The following NR6A1 variants were observed in gnomAD, a reference collection of about 807,000 sequenced individuals.
The protein encoded by NR6A1 is retinoic acid receptor-related testis-associated receptor.
A neutral mutation model predicts 59.1 loss-of-function variants in NR6A1; 7 were observed. The ratio of observed to expected loss-of-function variants is 0.12; its 90% CI spans 0.07 to 0.22. The LOEUF is 0.22. Ranked by LOEUF, NR6A1 falls within the 10% of genes least tolerant of loss-of-function variation. The pLI, the probability that NR6A1 is intolerant of heterozygous loss-of-function variation, is 1.00. For synonymous variants in NR6A1, 243 were observed against 236.1 expected (o/e 1.03, Z -0.27); for missense variants, 468 against 611.6 (o/e 0.77, Z 2.48).
intron 2 of NR6A1, among the ~76,000 whole-genome samples, chr9:124,591,516 T>C (rs1835125483): frequency 6.6e-6 from 1 of 152,290 alleles, no homozygotes; most frequent in East Asian, 1.9e-4. Flanking sequence ...GACCAAGGGA[T>C]CCATCCAGAG....
intron 3 of NR6A1, among the ~76,000 whole-genome samples, chr9:124,546,178 A>T (rs942779585): frequency 8.5e-5 from 13 of 152,206 alleles, no homozygotes; most frequent in African/African-American, 2.4e-4. Flanking sequence ...TATGATAGAA[A>T]TCTACTATGT....
rs780925768 is a variant in NR6A1 at position 124,553,549 on chromosome 9, C to CTTTTTTTTTTTTTTT, written c.385+764_385+778dup. On this transcript the variant is annotated intron_variant, in intron 3 of 9. Transcript: ENST00000487099. ...GAAATCACCCTGCTTTTTAGCTTGA[C>CTTTTTTTTTTTTTTT]TTTTTTTTTTTTTTTTTTTTTTTTT... Among the ~76,000 whole-genome samples the CTTTTTTTTTTTTTTT allele has an allele frequency of 1.5e-3, 72 of 47,316 alleles. 5 individuals carry two copies. The highest frequency in any genetic ancestry group is 2.3e-3 in the African/African-American group (30 of 12,854). 31.0% of individuals were successfully genotyped at this position (47,316 alleles called of 152,430 possible).
chr9:124,695,547 A>G (rs1176147293), intron 2 of NR6A1, among the ~76,000 whole-genome samples: 1 of 152,026 alleles, frequency 6.6e-6, no homozygotes, highest in Non-Finnish European at 1.5e-5. Context: ...TGTTTTTAGA[A>G]GAAATGTGTT....
intron 1 of NR6A1, among the ~76,000 whole-genome samples, chr9:124,770,465 G>A (rs890195872): frequency 6.6e-6 from 1 of 151,658 alleles, no homozygotes. Context: ...AAAGCTGAGC[G>A]GTACAAGGGT....
chr9:124,524,261 A>G (rs559913459), intron 9 of NR6A1, among the ~76,000 whole-genome samples: 10 of 152,260 alleles, frequency 6.6e-5, no homozygotes, highest in Admixed American at 5.2e-4. Flanking sequence ...CCAGCTAAAG[A>G]TATCACTTTA....
chr9:124,696,251 G>T (rs1393993937), intron 2 of NR6A1, among the ~76,000 whole-genome samples: 1 of 152,146 alleles, frequency 6.6e-6, no homozygotes, highest in African/African-American at 2.4e-5. Context: ...TCACTAAGCA[G>T]ATGAAGTGAG....
chr9:124,549,295 TG>T (rs1302956001), intron 3 of NR6A1, among the ~76,000 whole-genome samples: 1 of 152,190 alleles, frequency 6.6e-6, no homozygotes, highest in Non-Finnish European at 1.5e-5. Flanking sequence ...GAAACATCAC[TG>T]GGTTTTTGAA....
chr9:124,548,451 G>A (rs371206495), intron 3 of NR6A1, among the ~76,000 whole-genome samples: 69 of 152,122 alleles, frequency 4.5e-4, no homozygotes, highest in African/African-American at 1.6e-3. Context: ...GAGCTGCCTG[G>A]GCAACATGCT....
intron 1 of NR6A1, among the ~76,000 whole-genome samples, chr9:124,746,751 T>A (rs1348622329): frequency 6.6e-6 from 1 of 152,224 alleles, no homozygotes; most frequent in African/African-American, 2.4e-5. Context: ...AACTCCTTTT[T>A]TTTAGATGCT....
chr9:124,589,362 C>T (rs1008560880), intron 2 of NR6A1, among the ~76,000 whole-genome samples: 19 of 152,182 alleles, frequency 1.2e-4, no homozygotes, highest in African/African-American at 4.6e-4. Context: ...AGGAGAGTGG[C>T]GTGAACCAAG....
intron 2 of NR6A1, among the ~76,000 whole-genome samples, chr9:124,623,238 A>G (rs1836130009): frequency 6.6e-6 from 1 of 152,256 alleles, no homozygotes; most frequent in East Asian, 1.9e-4. Flanking sequence ...GACAGTTCTG[A>G]GTTTTCAAAG....
Position 124,702,617 on chromosome 9 carries a change from A to G in NR6A1, c.142+30691T>C, listed in dbSNP as rs554786020. 2.4e-4 allele frequency among the ~76,000 whole-genome samples: 37 copies of G among 152,042 alleles called. No homozygotes were observed. In the South Asian group the frequency reaches 6.9e-3, roughly 28 times the overall value. On this transcript the variant is annotated intron_variant, in intron 2 of 9. Transcript: ENST00000487099. The stretch of plus-strand genomic sequence containing the variant: ...AATGGCCTGGTGCCCTCCCCTCAGT[A>G]ATGAGTTCTTGTTTTATTAGTTCAC...
At chr9:124,729,985 G>T (rs1439464874) in intron 2 of NR6A1, among the ~76,000 whole-genome samples, 1 of 151,702 alleles carries the variant, frequency 6.6e-6, no homozygotes. Context: ...AGCTAATTTT[G>T]TTTTTTTAGT....
intron 2 of NR6A1, among the ~76,000 whole-genome samples, chr9:124,732,372 C>A (rs1395195452): frequency 4.6e-5 from 7 of 152,136 alleles, no homozygotes; most frequent in Admixed American, 4.6e-4. Context: ...CTGGATACTC[C>A]CATGTCCTAT....
At chr9:124,669,661 G>A (rs769229994) in intron 2 of NR6A1, among the ~76,000 whole-genome samples, 25 of 152,226 alleles carry the variant, frequency 1.6e-4, no homozygotes, top group Admixed American at 1.0e-3. Context: ...GATTCCATTA[G>A]CATGGCCTCT....
chr9:124,758,276 C>T (rs1405312627), intron 1 of NR6A1, among the ~76,000 whole-genome samples: 1 of 152,204 alleles, frequency 6.6e-6, no homozygotes, highest in Non-Finnish European at 1.5e-5. Flanking sequence ...ACCCCTCCCC[C>T]ATGCACCTCT....
intron 2 of NR6A1, among the ~76,000 whole-genome samples, chr9:124,600,064 T>A (rs552938641): frequency 6.6e-6 from 1 of 152,376 alleles, no homozygotes; most frequent in African/African-American, 2.4e-5. Context: ...TTTAAGAACC[T>A]TTCAATGAAT....
chr9:124,528,919 C>T (rs1833019540), intron 7 of NR6A1, among the ~76,000 whole-genome samples: 1 of 152,148 alleles, frequency 6.6e-6, no homozygotes, highest in African/African-American at 2.4e-5. Context: ...AAATACTACA[C>T]CATTTTATAT....
chr9:124,612,398 AGAG>A (rs1835774452), intron 2 of NR6A1, among the ~76,000 whole-genome samples: 1 of 152,214 alleles, frequency 6.6e-6, no homozygotes, highest in African/African-American at 2.4e-5. Flanking sequence ...TCCAGGACTG[AGAG>A]GAGACCAATG....
Sources: allele counts gnomAD v4.1 joint callset (sites outside exome capture counted in the v4.1 genomes callset), GRCh38; gene constraint gnomAD v4.1.1; transcripts MANE v1.5; gene names NCBI Gene and HGNC (gene_info 2026-07-23, HGNC 2026-07-21).